Variants in SSUH2 observed in about 807,000 individuals in gnomAD.
The protein encoded by SSUH2 is ssu-2 homolog.
Under a neutral mutation model 55.3 loss-of-function variants are expected in SSUH2, and 47 were observed. The ratio of observed to expected loss-of-function variants is 0.85; its 90% confidence interval spans 0.67 to 1.08. The LOEUF (loss-of-function observed/expected upper bound fraction) is 1.08, where lower values mean the gene tolerates loss of function less well. Among genes scored for constraint, SSUH2 ranks in the 50% least tolerant of loss-of-function variants. SSUH2 has a pLI of 0.00. For synonymous variants in SSUH2, 212 were observed against 191.5 expected (o/e 1.11, Z -0.89); for missense variants, 535 against 490.7 (o/e 1.09, Z -0.85).
chr3:8,654,181 AAG>A (rs996392713), intron 7 of SSUH2, among the ~76,000 whole-genome samples: 17 of 152,200 alleles, frequency 1.1e-4, no homozygotes, highest in Admixed American at 4.6e-4. Flanking sequence ...GGAGAGGAGA[AAG>A]AGAGAGAGCA....
chr3:8,675,749 C>T lies in SSUH2; in HGVS notation c.-753+1457G>A, dbSNP rs772945889. 5.9e-5 allele frequency among the ~76,000 whole-genome samples: 9 copies of T among 152,090 alleles called. No individual in the cohort carries two copies. In the East Asian group the frequency reaches 9.7e-4, roughly 16 times the overall value. On this transcript the variant is annotated intron_variant, in intron 3 of 18. Coordinates refer to the SSUH2 transcript ENST00000317371. The stretch of plus-strand genomic sequence containing the variant: ...ATGAGGTCACAAAGGGGGCTGGGAC[C>T]GGGAACCTTTGGAATGGGGATCCCA...
intron 7 of SSUH2, among the ~76,000 whole-genome samples, chr3:8,657,649 G>A (rs552803562): frequency 6.6e-6 from 1 of 152,246 alleles, no homozygotes; most frequent in African/African-American, 2.4e-5. Context: ...AGAAGAGGAG[G>A]GAACAAAGGC....
intron 5 of SSUH2, among the ~76,000 whole-genome samples, chr3:8,669,199 C>T (rs1362980491): frequency 1.3e-5 from 2 of 152,166 alleles, no homozygotes; most frequent in Non-Finnish European, 2.9e-5. Context: ...AAAAGGAATA[C>T]ATCATGTAAA....
At position 8,619,709 on chromosome 3, in the gene SSUH2, G is replaced by A. The variant is rs1246116220; in HGVS notation, c.*159C>T. On this transcript the variant is annotated 3_prime_UTR_variant, in exon 12 of 12. Transcript: ENST00000544814. ...GATTCCACCAGAGGAGCTGTATAAG[G>A]GGTTGGAGCTTGATAGATGATAAGC... is the stretch of plus-strand genomic sequence containing the variant. 1.4e-6 allele frequency: 1 copy of A among 720,466 alleles called. No individual in the cohort carries two copies. Among genetic ancestry groups the A allele is most frequent in the Non-Finnish European group, 2.2e-6 (1 of 445,790 alleles). The allele number at this position is 720,466 out of a possible 1,614,324, so 44.6% of individuals were successfully genotyped here. A position where few individuals can be genotyped will look rare whatever the true frequency, so the allele number is the denominator to read the frequency against.
chr3:8,638,581 C>T (rs1250321057), intron 1 of SSUH2, among the ~76,000 whole-genome samples: 4 of 152,180 alleles, frequency 2.6e-5, no homozygotes, highest in African/African-American at 9.7e-5. Flanking sequence ...TGATGTGACA[C>T]CATGTAAGCC....
chr3:8,676,759 A>C (rs1333530137), intron 3 of SSUH2, among the ~76,000 whole-genome samples: 1 of 147,276 alleles, frequency 6.8e-6, no homozygotes, highest in Non-Finnish European at 1.5e-5. Flanking sequence ...CCCTCTTCCC[A>C]CCTGGATCTC....
Position 8,651,059 on chromosome 3 carries a change from G to A in SSUH2, c.-307+7866C>T, listed in dbSNP as rs113607112. On this transcript the variant is annotated intron_variant, in intron 7 of 18. Transcript: ENST00000317371. ...TGCACGCATTTTGCACGGTCCCTCCGTTTCTCCCTTCCTTCCTACTAATCT... is the reference window on the plus strand; with the variant it reads ...TGCACGCATTTTGCACGGTCCCTCCATTTCTCCCTTCCTTCCTACTAATCT... Among the ~76,000 whole-genome samples the A allele has an allele frequency of 6.4e-4, 98 of 152,322 alleles. 1 individual carries two copies. The highest frequency in any genetic ancestry group is 2.0e-3 in the African/African-American group (84 of 41,572).
At chr3:8,630,957 A>G in intron 5 of SSUH2, 28 bp from the exon 6 acceptor site, 2 of 1,352,642 alleles carry the variant, frequency 1.5e-6, no homozygotes, top group Non-Finnish European at 1.9e-6. Context: ...CATTGTAAGA[A>G]TGACGAAGGG....
intron 1 of SSUH2, among the ~76,000 whole-genome samples, chr3:8,636,160 C>T (rs1322417951): frequency 2.0e-5 from 3 of 152,190 alleles, no homozygotes; most frequent in African/African-American, 7.2e-5. Context: ...GCCACATATT[C>T]TTTGATGCTT....
In SSUH2 at chr3:8,673,755, G is replaced by A. The variant is rs929874402; in HGVS notation, c.-752-1720C>T. The stretch of plus-strand genomic sequence containing the variant: ...TGGAAGGACTCAGTTACCAGGAACC[G>A]AACACCTGTTGGACCCACGTGAAAG... On this transcript the variant is annotated intron_variant, in intron 3 of 18. Coordinates refer to the SSUH2 transcript ENST00000317371. Among the ~76,000 whole-genome samples the A allele has an allele frequency of 8.5e-5, 13 of 152,282 alleles. 3 individuals carry two copies. The highest frequency in any genetic ancestry group is 2.6e-4 in the Admixed American group (4 of 15,282).
In SSUH2 at chr3:8,678,403, C is replaced by G. The variant is rs539885465; in HGVS notation, c.-900-1050G>C. Among the ~76,000 whole-genome samples the G allele has an allele frequency of 4.8e-4, 73 of 152,182 alleles. No homozygotes were observed. In the South Asian group the frequency reaches 5.6e-3, roughly 12 times the overall value. Reference sequence around the variant, plus strand: ...CCTTTCAGGATATTAATAACAAATTCACAGGCTGGGTGAACAGCCTGCGAT... The same window carrying G: ...CCTTTCAGGATATTAATAACAAATTGACAGGCTGGGTGAACAGCCTGCGAT... On this transcript the variant is annotated intron_variant, in intron 2 of 18. Coordinates refer to the SSUH2 transcript ENST00000317371.
At position 8,635,427 on chromosome 3, in the gene SSUH2, A is replaced by G; in HGVS notation, c.128-46T>C. On this transcript the variant is annotated intron_variant, in intron 2 of 11. Transcript: ENST00000544814. ...GGGCTGGACAGCCCAGGCCAAAGGA[A>G]CAAATATTTGTGTGGTGGAAGAAGG... 3.7e-6 allele frequency: 5 copies of G among 1,363,396 alleles called. No homozygotes were observed. The South Asian group carries it at 5.0e-5, about 14-fold the overall frequency. The allele number at this position is 1,363,396 out of a possible 1,614,324, so 84.5% of individuals were successfully genotyped here. A position where few individuals can be genotyped will look rare whatever the true frequency, so the allele number is the denominator to read the frequency against.
chr3:8,672,176 C>G (rs572753850), intron 3 of SSUH2: 4 of 152,122 alleles, frequency 2.6e-5, no homozygotes, highest in Non-Finnish European at 5.9e-5. Context: ...TAACATCATC[C>G]TCTTCTCTCC....
chr3:8,648,305 C>T (rs766788979), upstream of SSUH2, among the ~76,000 whole-genome samples: 1 of 152,178 alleles, frequency 6.6e-6, no homozygotes, highest in Non-Finnish European at 1.5e-5. Context: ...ACAAACAATT[C>T]TGTGTGTTGT....
rs547800388 is a variant in SSUH2 at position 8,641,133 on chromosome 3, C to T, written c.28+3598G>A. Among the ~76,000 whole-genome samples, 23 of 152,296 alleles carry T rather than the reference C, an allele frequency of 1.5e-4. 1 individual carries two copies. In the South Asian group the frequency reaches 4.6e-3, roughly 30 times the overall value. On this transcript the variant is annotated intron_variant, in intron 1 of 11. Transcript: ENST00000544814. Reference sequence around the variant, plus strand: ...AGACTTAGCTTAGACCTCCCCGTCTCCAAAGCCTGCCTGAGTGCGGCTCCC... The same window carrying T: ...AGACTTAGCTTAGACCTCCCCGTCTTCAAAGCCTGCCTGAGTGCGGCTCCC...
At chr3:8,635,563 G>A (rs906471067) in intron 2 of SSUH2, among the ~76,000 whole-genome samples, 182 bp from the exon 3 acceptor site, 2 of 152,230 alleles carry the variant, frequency 1.3e-5, no homozygotes, top group African/African-American at 4.8e-5. Context: ...GGGACCTGTC[G>A]CAGTCATGGA....
Position 8,623,373 on chromosome 3 carries a change from T to A in SSUH2, c.981+176A>T, listed in dbSNP as rs140108475. ...GGTCCTTCCTGCCTCTGCGTCTTAC[T>A]TGCCCTGCTCCATGCCCTGGGGCCT... On this transcript the variant is annotated intron_variant, in intron 11 of 11. Transcript: ENST00000544814. 44 of 534,864 alleles carry A rather than the reference T, an allele frequency of 8.2e-5. 1 individual carries two copies. In the East Asian group the frequency reaches 1.4e-3, roughly 17 times the overall value. 33.1% of individuals were successfully genotyped at this position (534,864 alleles called of 1,614,324 possible).
chr3:8,668,178 C>G (rs1427018232), intron 5 of SSUH2, among the ~76,000 whole-genome samples: 1 of 152,108 alleles, frequency 6.6e-6, no homozygotes, highest in Non-Finnish European at 1.5e-5. Context: ...ATTCCACAAA[C>G]ACAACCACTG....
At chr3:8,651,433 G>A (rs1702393591) in intron 7 of SSUH2, among the ~76,000 whole-genome samples, 3 of 152,180 alleles carry the variant, frequency 2.0e-5, no homozygotes, top group Non-Finnish European at 1.5e-5. Context: ...GACTCGTTCA[G>A]GCTCACATGG....
Sources: gnomAD v4.1 joint callset for allele counts (sites outside exome capture counted in the v4.1 genomes callset) on GRCh38, gnomAD v4.1.1 for gene constraint, MANE v1.5 for transcripts, NCBI Gene and HGNC (gene_info 2026-07-23, HGNC 2026-07-21) for gene names.